The following LRRC4C variants were observed in gnomAD, a reference collection of about 807,000 sequenced individuals.
LRRC4C encodes leucine rich repeat containing 4C, also known as leucine-rich repeat-containing protein 4C.
A neutral mutation model predicts 33.6 loss-of-function variants in LRRC4C; 5 were observed. The observed-to-expected ratio is 0.15, with a 90% CI of 0.08 to 0.31. The LOEUF is 0.31. LRRC4C is among the 10% of genes least tolerant of loss of function. The pLI is 1.00. For synonymous variants in LRRC4C, 329 were observed against 302.0 expected (o/e 1.09, Z -0.93); for missense variants, 560 against 796.7 (o/e 0.70, Z 3.58).
intron 1 of LRRC4C, among the ~76,000 whole-genome samples, chr11:41,449,226 T>C (rs540756613): frequency 6.6e-6 from 1 of 152,226 alleles, no homozygotes; most frequent in East Asian, 1.9e-4. Flanking sequence ...TTTGAAGACA[T>C]CGTCAAAACA....
rs573875443 is a variant in LRRC4C, at chr11:40,320,787, G to A, written c.-269-1066C>T. ...ATTCTGTGATAATTTTCCTTCTGAG[G>A]GTATGTTTTGATATGGGTAGAATGA... On this transcript the variant is annotated intron_variant, in intron 3 of 6. Coordinates refer to ENST00000528697, the MANE Select transcript of LRRC4C (RefSeq NM_001258419.2). 5.3e-5 allele frequency among the ~76,000 whole-genome samples: 8 copies of A among 152,194 alleles called. No individual in the cohort carries two copies. In the South Asian group the frequency reaches 1.5e-3, roughly 28 times the overall value.
intron 5 of LRRC4C, among the ~76,000 whole-genome samples, chr11:40,237,938 G>T (rs1032166634): frequency 3.3e-5 from 5 of 152,200 alleles, no homozygotes; most frequent in African/African-American, 1.2e-4. Flanking sequence ...CCGCTGAAAA[G>T]AGTTTACAAA....
rs78607671 is a variant in LRRC4C at position 40,830,885 on chromosome 11, G to T, written c.-407+102750C>A. On this transcript the variant is annotated intron_variant, in intron 2 of 6. Coordinates refer to ENST00000528697, the MANE Select transcript of LRRC4C (RefSeq NM_001258419.2). The stretch of plus-strand genomic sequence containing the variant: ...AAAGAGGGTGGAGGAAATTATCATG[G>T]TTCGTGTTAACTTATTAGCTGCAGT... Among the ~76,000 whole-genome samples the T allele has an allele frequency of 9.2e-5, 14 of 152,208 alleles. No homozygotes were observed. The South Asian group carries it at 2.9e-3, about 32-fold the overall frequency.
intron 3 of LRRC4C, among the ~76,000 whole-genome samples, chr11:40,608,933 A>C (rs368785578): frequency 5.9e-5 from 9 of 152,262 alleles, no homozygotes; most frequent in African/African-American, 1.9e-4. Context: ...TGAAGGAATC[A>C]TTGACGGAAC....
In LRRC4C at chr11:40,291,765, A is replaced by G. The variant is rs566540914; in HGVS notation, c.-176+27863T>C. 2.0e-5 allele frequency among the ~76,000 whole-genome samples: 3 copies of G among 152,226 alleles called. No individual in the cohort carries two copies. The South Asian group carries it at 6.2e-4, about 32-fold the overall frequency. Reference sequence around the variant, plus strand: ...ATTTTTGTGTTAATACATTCTGTTGATCTGCAATGTCAGGTTGGATAATGA... The same window carrying G: ...ATTTTTGTGTTAATACATTCTGTTGGTCTGCAATGTCAGGTTGGATAATGA... On this transcript the variant is annotated intron_variant, in intron 4 of 6. Transcript: ENST00000528697.
At chr11:40,217,071 T>A (rs1414108409) in intron 5 of LRRC4C, among the ~76,000 whole-genome samples, 1 of 152,128 alleles carries the variant, frequency 6.6e-6, no homozygotes, top group Non-Finnish European at 1.5e-5. Context: ...TTGGAAAGGG[T>A]GAAAGAACAC....
intron 1 of LRRC4C, among the ~76,000 whole-genome samples, chr11:41,371,369 A>G (rs1952740559): frequency 6.6e-6 from 1 of 152,238 alleles, no homozygotes; most frequent in South Asian, 2.1e-4. Context: ...TTATATTAGA[A>G]GGCCAGATTC....
chr11:41,097,841 T>C (rs1457858681), intron 1 of LRRC4C, among the ~76,000 whole-genome samples: 3 of 152,146 alleles, frequency 2.0e-5, no homozygotes, highest in African/African-American at 7.2e-5. Context: ...CCAGCAGCCA[T>C]GGTCATGCCT....
intron 1 of LRRC4C, among the ~76,000 whole-genome samples, chr11:41,195,547 T>A (rs566985340): frequency 5.3e-5 from 8 of 151,962 alleles, no homozygotes; most frequent in Non-Finnish European, 1.0e-4. Context: ...ATGGAGATAT[T>A]TCCCCCCCCA....
intron 1 of LRRC4C, among the ~76,000 whole-genome samples, chr11:41,355,758 T>C (rs1269628601): frequency 6.6e-6 from 1 of 152,102 alleles, no homozygotes; most frequent in African/African-American, 2.4e-5. Context: ...TGGTTAAATA[T>C]TGACAATTTC....
At chr11:40,743,452 G>A (rs1294423281) in intron 2 of LRRC4C, among the ~76,000 whole-genome samples, 1 of 152,186 alleles carries the variant, frequency 6.6e-6, no homozygotes, top group East Asian at 1.9e-4. Context: ...CAGCAGAGAT[G>A]CATTCACTTC....
intron 1 of LRRC4C, among the ~76,000 whole-genome samples, chr11:41,235,742 T>C (rs1382122210): frequency 6.6e-6 from 1 of 152,164 alleles, no homozygotes; most frequent in Non-Finnish European, 1.5e-5. Flanking sequence ...TGATGTCATC[T>C]GTACTTGGAT....
chr11:40,509,973 A>G (rs1336572086), intron 3 of LRRC4C, among the ~76,000 whole-genome samples: 2 of 152,034 alleles, frequency 1.3e-5, no homozygotes, highest in African/African-American at 4.8e-5. Context: ...TGTAAATATA[A>G]CTTTATTGAG....
chr11:40,964,729 C>T (rs1292449261), intron 1 of LRRC4C, among the ~76,000 whole-genome samples: 1 of 151,836 alleles, frequency 6.6e-6, no homozygotes, highest in African/African-American at 2.4e-5. Context: ...CATAGTATTC[C>T]ATGGTGTATA....
At position 40,319,720 on chromosome 11, in the gene LRRC4C, A is replaced by T. The variant is rs547627547; in HGVS notation, c.-268T>A. 31 of 152,284 alleles carry T rather than the reference A, an allele frequency of 2.0e-4. No individual in the cohort carries two copies. Among genetic ancestry groups the T allele is most frequent in the South Asian group, 4.1e-4 (2 of 4,826 alleles). The allele number at this position is 152,284 out of a possible 1,614,324, so 9.4% of individuals were successfully genotyped here. A position where few individuals can be genotyped will look rare whatever the true frequency, so the allele number is the denominator to read the frequency against. ...TGGATTTCTGCAGATACTTCTTTAT[A>T]CCTGCAGGAAGATAACATAAATATC... On this transcript the variant is annotated splice_region_variant and 5_prime_UTR_variant, in exon 4 of 7. Transcript: ENST00000528697.
chr11:40,190,182 T>G (rs1247507799), intron 5 of LRRC4C, among the ~76,000 whole-genome samples: 1 of 152,106 alleles, frequency 6.6e-6, no homozygotes, highest in African/African-American at 2.4e-5. Flanking sequence ...TTGATGAAAA[T>G]GGGAGAATCT....
intron 3 of LRRC4C, among the ~76,000 whole-genome samples, chr11:40,411,327 T>C (rs1950148595): frequency 6.6e-6 from 1 of 152,082 alleles, no homozygotes; most frequent in Non-Finnish European, 1.5e-5. Context: ...AGAGTATTTT[T>C]AATTTGCACA....
intron 5 of LRRC4C, among the ~76,000 whole-genome samples, chr11:40,210,882 C>T (rs1863551570): frequency 1.3e-5 from 2 of 152,192 alleles, no homozygotes; most frequent in African/African-American, 4.8e-5. Context: ...AAGTGATTCT[C>T]CTGCCTCAGC....
chr11:40,442,175 A>AAAG (rs1951428383), intron 3 of LRRC4C, among the ~76,000 whole-genome samples: 1 of 150,644 alleles, frequency 6.6e-6, no homozygotes, highest in Non-Finnish European at 1.5e-5. Context: ...AAAAAAAAAA[A>AAAG]AAAAAAAAAA....
Sources: gnomAD v4.1 joint callset for allele counts (sites outside exome capture counted in the v4.1 genomes callset) on GRCh38, gnomAD v4.1.1 for gene constraint, MANE v1.5 for transcripts, NCBI Gene and HGNC (gene_info 2026-07-23, HGNC 2026-07-21) for gene names.